ARL13A: variants seen among roughly 807,000 people sequenced by gnomAD.
The protein encoded by ARL13A is ADP-ribosylation factor-like protein 13A.
Under a neutral mutation model 19.1 loss-of-function variants are expected in ARL13A, and 16 were observed. That is an observed-to-expected ratio of 0.84 (90% CI 0.57 to 1.27). The LOEUF (loss-of-function observed/expected upper bound fraction) is 1.27. Ranked by LOEUF, ARL13A falls within the 50% of genes most tolerant of loss-of-function variation. ARL13A has a pLI of 0.00. For missense variants in ARL13A, 153 were observed against 186.4 expected (o/e 0.82, Z 1.04); for synonymous variants, 69 against 71.3 (o/e 0.97, Z 0.17).
At chrX:100,972,564 G>A (rs2085677509) in intron 1 of ARL13A, among the ~76,000 whole-genome samples, 1 of 68,389 alleles carries the variant, frequency 1.5e-5, no homozygotes, top group Non-Finnish European at 2.9e-5. Context: ...CTCCCGGACG[G>A]GGCGGCTGGC....
At chrX:100,980,813 A>G (rs1040043480) in intron 3 of ARL13A, among the ~76,000 whole-genome samples, 4 of 110,914 alleles carry the variant, frequency 3.6e-5, no homozygotes, top group Admixed American at 9.6e-5. Flanking sequence ...GTGGTGGTGA[A>G]TCCTGTCAAG....
At chrX:100,988,555 G>T in intron 7 of ARL13A, 1 of 1,061,051 alleles carries the variant, frequency 9.4e-7, no homozygotes, top group Non-Finnish European at 1.2e-6. Flanking sequence ...CAATATTTTT[G>T]AAGGTAATGC....
intron 1 of ARL13A, among the ~76,000 whole-genome samples, chrX:100,970,154 G>A (rs755357135): frequency 8.9e-6 from 1 of 112,439 alleles, no homozygotes; most frequent in Non-Finnish European, 1.9e-5. Context: ...CAGACAATTA[G>A]GCTCTGATGT....
chrX:100,988,851 C>CATATATAT lies in ARL13A; in HGVS notation c.744+591_744+598dup, dbSNP rs55947893. ...TATATATATATGAGATAATATATCT[C>CATATATAT]ATATATATATATATATATATATATA... On this transcript the variant is annotated intron_variant, in intron 7 of 7. Transcript: ENST00000450049. 6.4e-3 allele frequency among the ~76,000 whole-genome samples: 513 copies of CATATATAT among 79,633 alleles called. 3 individuals carry two copies. The highest frequency in any genetic ancestry group is 0.013 in the African/African-American group (259 of 20,298). 69.2% of individuals were successfully genotyped at this position (79,633 alleles called of 115,157 possible). A position where few individuals can be genotyped will look rare whatever the true frequency, so the allele number is the denominator to read the frequency against.
intron 3 of ARL13A, among the ~76,000 whole-genome samples, chrX:100,984,699 A>G (rs2085912762): frequency 8.9e-6 from 1 of 111,981 alleles, no homozygotes; most frequent in Admixed American, 9.5e-5. Context: ...GGAGAGACAA[A>G]GCAAGCACAA....
At chrX:100,976,737 A>G (rs2085768667) in intron 3 of ARL13A, among the ~76,000 whole-genome samples, 1 of 112,088 alleles carries the variant, frequency 8.9e-6, no homozygotes, top group African/African-American at 3.2e-5. Context: ...CTCAGCCTCC[A>G]AGTAGCTGAC....
At chrX:100,982,820 T>G (rs1006215915) in intron 3 of ARL13A, among the ~76,000 whole-genome samples, 1 of 110,007 alleles carries the variant, frequency 9.1e-6, no homozygotes, top group Non-Finnish European at 1.9e-5. Context: ...GGAATCTGTA[T>G]CTTAACAAAC....
At chrX:100,988,834 TATGAG>T (rs1175971523) in intron 7 of ARL13A, among the ~76,000 whole-genome samples, 1 of 76,991 alleles carries the variant, frequency 1.3e-5, no homozygotes, top group Non-Finnish European at 2.4e-5. Context: ...TTTATATATA[TATGAG>T]ATAATATATC....
rs778368019 is a variant in ARL13A, at chrX:100,981,744, G to C, written c.131-3923G>C. On this transcript the variant is annotated intron_variant, in intron 3 of 7. Coordinates refer to ENST00000450049, the MANE Select transcript of ARL13A (RefSeq NM_001162491.2). The stretch of plus-strand genomic sequence containing the variant: ...GGATCACTTGAGTCCAGGAGGTCAA[G>C]GCTGCAGTGAGCTGAGACTGAGCCA... 9.2e-5 allele frequency among the ~76,000 whole-genome samples: 10 copies of C among 108,565 alleles called. No individual in the cohort carries two copies. In the South Asian group the frequency reaches 3.1e-3, roughly 34 times the overall value. 94.3% of individuals were successfully genotyped at this position (108,565 alleles called of 115,157 possible). A position where few individuals can be genotyped will look rare whatever the true frequency, so the allele number is the denominator to read the frequency against.
intron 7 of ARL13A, 38 bp downstream of exon 7, chrX:100,988,321 T>C: frequency 8.3e-7 from 1 of 1,203,687 alleles, no homozygotes; most frequent in Non-Finnish European, 1.1e-6. Flanking sequence ...CAGTGACCAA[T>C]CCCTGAACAC....
chrX:100,976,105 G>GA (rs1261992243), intron 3 of ARL13A, among the ~76,000 whole-genome samples: 3 of 110,245 alleles, frequency 2.7e-5, no homozygotes, highest in South Asian at 7.8e-4. Context: ...ATAGCAGCAG[G>GA]AAAAATCCAG....
chrX:100,990,505 C>A, intron 7 of ARL13A, 57 bp from the exon 8 acceptor site: 2 of 1,069,279 alleles, frequency 1.9e-6, no homozygotes, highest in Non-Finnish European at 2.4e-6. Flanking sequence ...ACAACTCCAC[C>A]TACTCTAATA....
intron 3 of ARL13A, among the ~76,000 whole-genome samples, chrX:100,981,783 T>G (rs1257875176): frequency 9.3e-6 from 1 of 107,981 alleles, no homozygotes; most frequent in Non-Finnish European, 1.9e-5. Flanking sequence ...CACTCCAGCA[T>G]GGATGACAGA....
chrX:100,988,513 G>T (rs1442408738), intron 7 of ARL13A: 1 of 1,159,183 alleles, frequency 8.6e-7, no homozygotes. Context: ...TTGAAGGAGT[G>T]GCTTATAGAC....
intron 1 of ARL13A, 146 bp from the exon 2 acceptor site, chrX:100,973,530 G>T: frequency 1.1e-6 from 1 of 937,816 alleles, no homozygotes; most frequent in Non-Finnish European, 1.5e-6. Context: ...GACATTTATA[G>T]ACACAGTTGG....
intron 3 of ARL13A, among the ~76,000 whole-genome samples, chrX:100,975,631 CTT>C (rs375014043): frequency 3.1e-5 from 3 of 97,891 alleles, no homozygotes; most frequent in Admixed American, 1.1e-4. Context: ...ATTTTCTTTG[CTT>C]TTTTTTTTTT....
rs2086004980 is a variant in ARL13A at position 100,990,631 on chromosome X, C to A, written c.*43C>A. ...AGATGGCATCCATTGAGAATGAAGA[C>A]CACCTTGGTAAAAAAGAACAGAGAC... On this transcript the variant is annotated 3_prime_UTR_variant, in exon 8 of 8. Coordinates refer to ENST00000450049, the MANE Select transcript of ARL13A (RefSeq NM_001162491.2). 1.8e-6 allele frequency: 2 copies of A among 1,103,547 alleles called. No individual in the cohort carries two copies. Among genetic ancestry groups the A allele is most frequent in the Non-Finnish European group, 2.4e-6 (2 of 817,290 alleles). 90.9% of individuals were successfully genotyped at this position (1,103,547 alleles called of 1,213,427 possible).
chrX:100,982,764 TC>T (rs2147971221), intron 3 of ARL13A, among the ~76,000 whole-genome samples: 1 of 107,430 alleles, frequency 9.3e-6, no homozygotes, highest in African/African-American at 3.4e-5. Context: ...CAAGCGATCC[TC>T]CCACCTCAGG....
At chrX:100,987,679 C>A in intron 6 of ARL13A, 123 bp downstream of exon 6, 1 of 784,152 alleles carries the variant, frequency 1.3e-6, no homozygotes, top group Non-Finnish European at 1.8e-6. Flanking sequence ...CTCTTGATAT[C>A]ATTGGCTCAA....
Sources: allele counts gnomAD v4.1 joint callset (sites outside exome capture counted in the v4.1 genomes callset), GRCh38; gene constraint gnomAD v4.1.1; transcripts MANE v1.5; gene names NCBI Gene and HGNC (gene_info 2026-07-23, HGNC 2026-07-21).